Variants in LHFPL3 observed in about 807,000 individuals in gnomAD.
LHFPL3 encodes LHFPL tetraspan subfamily member 3 protein.
A neutral mutation model predicts 19.3 loss-of-function variants in LHFPL3; 5 were observed. The ratio of observed to expected loss-of-function variants is 0.26; its 90% CI spans 0.14 to 0.54. The LOEUF is 0.54. Among genes scored for constraint, LHFPL3 ranks in the 20% least tolerant of loss-of-function variants. The pLI is 0.94. For synonymous variants in LHFPL3, 133 were observed against 126.2 expected (o/e 1.05, Z -0.36); for missense variants, 249 against 307.4 (o/e 0.81, Z 1.42).
At chr7:104,785,462 A>G (rs1475323275) in intron 2 of LHFPL3, 3 of 152,294 alleles carry the variant, frequency 2.0e-5, no homozygotes, top group Non-Finnish European at 2.9e-5. Flanking sequence ...TTCAAGAGCC[A>G]TATTTCCAAC....
chr7:104,829,325 CTTTTT>C (rs199814222), intron 2 of LHFPL3, among the ~76,000 whole-genome samples: 2 of 148,412 alleles, frequency 1.3e-5, no homozygotes, highest in East Asian at 2.0e-4. Flanking sequence ...GTCATAGCTG[CTTTTT>C]TTTTTAATTA....
In LHFPL3 at chr7:104,825,018, C is replaced by T. The variant is rs563768711; in HGVS notation, c.683-81169C>T. 3.3e-5 allele frequency among the ~76,000 whole-genome samples: 5 copies of T among 149,378 alleles called. No homozygotes were observed. In the South Asian group the frequency reaches 1.0e-3, roughly 31 times the overall value. ...TTGAATTATGCATGCTTGTATGATC[C>T]AGGTGGAATCTAGATTATCCATTTC... On this transcript the variant is annotated intron_variant, in intron 2 of 2. Coordinates refer to ENST00000424859, the MANE Select transcript of LHFPL3 (RefSeq NM_199000.3).
intron 1 of LHFPL3, among the ~76,000 whole-genome samples, chr7:104,499,051 AAT>A: frequency 6.6e-6 from 1 of 152,314 alleles, no homozygotes; most frequent in East Asian, 1.9e-4. Flanking sequence ...CATTCATAAA[AAT>A]GAAGCATGAT....
At chr7:104,627,102 T>G (rs1791559583) in intron 1 of LHFPL3, among the ~76,000 whole-genome samples, 1 of 152,124 alleles carries the variant, frequency 6.6e-6, no homozygotes, top group African/African-American at 2.4e-5. Flanking sequence ...TAACCGAAAT[T>G]TTATCTCCTT....
chr7:104,409,898 A>G (rs752109738), intron 1 of LHFPL3, among the ~76,000 whole-genome samples: 35 of 151,866 alleles, frequency 2.3e-4, no homozygotes, highest in Non-Finnish European at 4.6e-4. Flanking sequence ...TCTCCTGCCC[A>G]CTTTGCTTGG....
chr7:104,564,760 G>GCTTCTGTTACCCTTTAGATAACAGACCA (rs1790086537), intron 1 of LHFPL3, among the ~76,000 whole-genome samples: 1 of 152,154 alleles, frequency 6.6e-6, no homozygotes, highest in East Asian at 1.9e-4. Flanking sequence ...ACAGACCACT[G>GCTTCTGTTACCCTTTAGATAACAGACCA]CTGGGACCTC....
intron 2 of LHFPL3, among the ~76,000 whole-genome samples, chr7:104,790,179 G>A (rs1288441655): frequency 7.2e-5 from 11 of 152,182 alleles, no homozygotes; most frequent in South Asian, 2.1e-4. Flanking sequence ...AATTCCAAGC[G>A]TTGAAATTGA....
intron 1 of LHFPL3, among the ~76,000 whole-genome samples, chr7:104,672,101 C>G (rs1792497322): frequency 1.4e-5 from 2 of 146,120 alleles, no homozygotes; most frequent in African/African-American, 5.2e-5. Context: ...GCAATGGTTG[C>G]TTATGTAAAT....
At chr7:104,431,002 A>G (rs1160476535) in intron 1 of LHFPL3, among the ~76,000 whole-genome samples, 1 of 152,232 alleles carries the variant, frequency 6.6e-6, no homozygotes, top group East Asian at 1.9e-4. Context: ...AATAAATAAA[A>G]TATCGTGACC....
chr7:104,747,778 A>G (rs1562980987), intron 2 of LHFPL3, among the ~76,000 whole-genome samples: 1 of 152,216 alleles, frequency 6.6e-6, no homozygotes, highest in Non-Finnish European at 1.5e-5. Context: ...TGCAAATAAT[A>G]ATTTTCAGGT....
chr7:104,570,632 G>A (rs1395033266), intron 1 of LHFPL3, among the ~76,000 whole-genome samples: 1 of 152,092 alleles, frequency 6.6e-6, no homozygotes, highest in Non-Finnish European at 1.5e-5. Context: ...CAAATGCCTA[G>A]CAGCTGTCTC....
intron 2 of LHFPL3, among the ~76,000 whole-genome samples, chr7:104,898,251 C>A (rs940942579): frequency 1.3e-5 from 2 of 151,990 alleles, no homozygotes; most frequent in Admixed American, 6.6e-5. Context: ...AGGTGATCTG[C>A]CCGCCTCAGC....
At chr7:104,372,640 C>T (rs533773006) in intron 1 of LHFPL3, among the ~76,000 whole-genome samples, 1 of 152,258 alleles carries the variant, frequency 6.6e-6, no homozygotes, top group East Asian at 1.9e-4. Flanking sequence ...CTTTATGTCA[C>T]AGAATCTCAG....
intron 1 of LHFPL3, among the ~76,000 whole-genome samples, chr7:104,360,097 A>G (rs1284404273): frequency 6.6e-6 from 1 of 152,234 alleles, no homozygotes; most frequent in Non-Finnish European, 1.5e-5. Flanking sequence ...TTTTCAGCAC[A>G]GTTATTCCCA....
intron 1 of LHFPL3, among the ~76,000 whole-genome samples, chr7:104,687,880 G>A (rs1359974819): frequency 2.0e-5 from 3 of 152,120 alleles, no homozygotes; most frequent in Non-Finnish European, 2.9e-5. Context: ...CAGAATGGGT[G>A]GTAGAAATAG....
Position 104,854,701 on chromosome 7 carries a change from T to C in LHFPL3, c.683-51486T>C, listed in dbSNP as rs139988142. ...CACCTCAAATGACAATTAATAAGCT[T>C]GTAATTTCTCATAGCTTCAGTATGA... On this transcript the variant is annotated intron_variant, in intron 2 of 2. Transcript: ENST00000424859. 1.6e-4 allele frequency among the ~76,000 whole-genome samples: 25 copies of C among 152,336 alleles called. No homozygotes were observed. The East Asian group carries it at 4.2e-3, about 26-fold the overall frequency.
intron 1 of LHFPL3, among the ~76,000 whole-genome samples, chr7:104,384,877 G>A (rs780111859): frequency 1.3e-5 from 2 of 151,690 alleles, no homozygotes; most frequent in African/African-American, 4.8e-5. Flanking sequence ...GAATCAGCAA[G>A]GAGGACTTAA....
At chr7:104,855,672 G>A (rs1463214847) in intron 2 of LHFPL3, among the ~76,000 whole-genome samples, 2 of 149,912 alleles carry the variant, frequency 1.3e-5, no homozygotes, top group African/African-American at 4.9e-5. Context: ...CACCCAGTCT[G>A]GAGTGCAGTG....
At chr7:104,683,370 T>G (rs1446243557) in intron 1 of LHFPL3, among the ~76,000 whole-genome samples, 1 of 152,252 alleles carries the variant, frequency 6.6e-6, no homozygotes, top group African/African-American at 2.4e-5. Context: ...CCACATTGTG[T>G]AATGTGAAGA....
Sources: gnomAD v4.1 joint callset for allele counts (sites outside exome capture counted in the v4.1 genomes callset) on GRCh38, gnomAD v4.1.1 for gene constraint, MANE v1.5 for transcripts, NCBI Gene and HGNC (gene_info 2026-07-23, HGNC 2026-07-21) for gene names.